Variants in PDE8B observed in about 807,000 individuals in gnomAD.
PDE8B encodes phosphodiesterase 8B.
PDE8B carries 26 observed loss-of-function variants against 101.3 expected under a neutral mutation model. That is an observed-to-expected ratio of 0.26 (90% CI 0.19 to 0.36). The LOEUF is 0.36. Among genes scored for constraint, PDE8B ranks in the 10% least tolerant of loss-of-function variants. The pLI is 1.00. For missense variants in PDE8B, 810 were observed against 1,163.1 expected (o/e 0.70, Z 4.42); for synonymous variants, 424 against 429.3 (o/e 0.99, Z 0.15).
At chr5:77,373,328 T>C (rs1444041501) in intron 10 of PDE8B, among the ~76,000 whole-genome samples, 1 of 152,206 alleles carries the variant, frequency 6.6e-6, no homozygotes, top group Non-Finnish European at 1.5e-5. Context: ...TCTGACAATT[T>C]CATTGAGGAA....
the PDE8B span, among the ~76,000 whole-genome samples, chr5:77,172,649 T>C: frequency 6.6e-6 from 1 of 152,334 alleles, no homozygotes; most frequent in South Asian, 2.1e-4. Flanking sequence ...TGATTTTGTA[T>C]TTGGAAATTC....
At chr5:77,382,074 G>A (rs780123162) in intron 10 of PDE8B, among the ~76,000 whole-genome samples, 34 of 152,078 alleles carry the variant, frequency 2.2e-4, no homozygotes, top group Non-Finnish European at 4.1e-4. Context: ...CCATCAATCC[G>A]TATACTCAGT....
the PDE8B span, among the ~76,000 whole-genome samples, chr5:77,158,744 C>T: frequency 2.0e-5 from 3 of 152,268 alleles, no homozygotes; most frequent in Admixed American, 6.5e-5. Flanking sequence ...CTGGGTGTGG[C>T]CTGTCCTCAG....
intron 11 of PDE8B, among the ~76,000 whole-genome samples, chr5:77,401,336 C>G (rs907274615): frequency 1.3e-5 from 2 of 152,170 alleles, no homozygotes; most frequent in African/African-American, 4.8e-5. Flanking sequence ...TTTTAACTAA[C>G]TTGGGAGCTT....
the PDE8B span, chr5:77,147,359 G>A: frequency 6.2e-6 from 1 of 160,840 alleles, no homozygotes; most frequent in Middle Eastern, 2.9e-3. Flanking sequence ...ATTTTCAATG[G>A]GCACTAACCT....
At chr5:77,176,576 G>A in the PDE8B span, among the ~76,000 whole-genome samples, 3 of 152,130 alleles carry the variant, frequency 2.0e-5, no homozygotes, top group African/African-American at 4.8e-5. Context: ...CTACCTACTC[G>A]CCCAGGTTAG....
At chr5:77,250,241 A>T (rs1481742459) in intron 1 of PDE8B, among the ~76,000 whole-genome samples, 1 of 152,160 alleles carries the variant, frequency 6.6e-6, no homozygotes, top group Non-Finnish European at 1.5e-5. Context: ...TTACATTTTT[A>T]CGAATTAAGA....
the PDE8B span, among the ~76,000 whole-genome samples, chr5:77,160,960 CTTTT>C: frequency 6.6e-6 from 1 of 152,214 alleles, no homozygotes; most frequent in East Asian, 1.9e-4. Flanking sequence ...GCCTTTTATT[CTTTT>C]TTAAGAGTTC....
At chr5:77,089,986 C>T in the PDE8B span, among the ~76,000 whole-genome samples, 2 of 152,160 alleles carry the variant, frequency 1.3e-5, no homozygotes, top group African/African-American at 2.4e-5. Context: ...CTGTCATTTG[C>T]AGCAACATGC....
intron 1 of PDE8B, among the ~76,000 whole-genome samples, chr5:77,223,214 A>C (rs896957805): frequency 1.3e-5 from 2 of 151,974 alleles, no homozygotes; most frequent in Admixed American, 1.3e-4. Context: ...TTAATGAGAT[A>C]GTTTACATTC....
At chr5:77,243,512 G>A (rs753105818) in intron 1 of PDE8B, among the ~76,000 whole-genome samples, 62 of 152,092 alleles carry the variant, frequency 4.1e-4, no homozygotes, top group Non-Finnish European at 7.8e-4. Context: ...AGTTGAGCCT[G>A]CTCCCACTCC....
the PDE8B span, among the ~76,000 whole-genome samples, chr5:77,198,952 A>G: frequency 1.1e-4 from 16 of 152,146 alleles, no homozygotes; most frequent in African/African-American, 3.6e-4. Flanking sequence ...CTGTTTTCCC[A>G]TAGTGATCCC....
chr5:77,267,045 G>C (rs1348407761), intron 1 of PDE8B, among the ~76,000 whole-genome samples: 1 of 152,052 alleles, frequency 6.6e-6, no homozygotes, highest in East Asian at 1.9e-4. Context: ...TATATCCTTT[G>C]AGCCCACATG....
chr5:77,127,813 C>G, the PDE8B span, among the ~76,000 whole-genome samples: 1 of 152,252 alleles, frequency 6.6e-6, no homozygotes, highest in Non-Finnish European at 1.5e-5. Context: ...TCTAGTGACT[C>G]AATATTCTCA....
At chr5:77,142,772 T>G in the PDE8B span, among the ~76,000 whole-genome samples, 1 of 151,852 alleles carries the variant, frequency 6.6e-6, no homozygotes, top group African/African-American at 2.4e-5. Context: ...ATGTAATCTT[T>G]TTTTTTTTTT....
At chr5:77,351,507 C>A (rs573632146) in intron 9 of PDE8B, among the ~76,000 whole-genome samples, 3 of 152,226 alleles carry the variant, frequency 2.0e-5, no homozygotes, top group African/African-American at 7.2e-5. Context: ...GGGAGCCAAC[C>A]TTTTCTCCTG....
chr5:77,242,695 G>C (rs146676707), intron 1 of PDE8B, among the ~76,000 whole-genome samples: 2 of 151,802 alleles, frequency 1.3e-5, no homozygotes, highest in Non-Finnish European at 2.9e-5. Flanking sequence ...TTTTTGAGGC[G>C]GAGTCTCCCT....
intron 12 of PDE8B, among the ~76,000 whole-genome samples, chr5:77,406,699 G>C (rs1023189541): frequency 4.6e-5 from 7 of 152,218 alleles, no homozygotes; most frequent in South Asian, 2.1e-4. Flanking sequence ...TGCCTCAGAG[G>C]GGGTGGTAGG....
At chr5:77,412,344 G>A in intron 16 of PDE8B, 109 bp downstream of exon 16, 1 of 1,094,850 alleles carries the variant, frequency 9.1e-7, no homozygotes, top group Admixed American at 1.7e-5. Context: ...GACCTCACGG[G>A]TTCTGGCTCT....
Sources: allele counts gnomAD v4.1 joint callset (sites outside exome capture counted in the v4.1 genomes callset), GRCh38; gene constraint gnomAD v4.1.1; transcripts MANE v1.5; gene names NCBI Gene and HGNC (gene_info 2026-07-23, HGNC 2026-07-21).